Variants in ADCY7 observed in about 807,000 individuals in gnomAD.
The protein encoded by ADCY7 is adenylate cyclase 7.
ADCY7 carries 72 observed loss-of-function variants against 120.6 expected under a neutral mutation model. The ratio of observed to expected loss-of-function variants is 0.60; its 90% CI spans 0.49 to 0.73. The LOEUF (loss-of-function observed/expected upper bound fraction) is 0.73. ADCY7 is among the 30% of genes least tolerant of loss of function. The pLI, the probability that ADCY7 is intolerant of heterozygous loss-of-function variation, is 0.00. For synonymous variants in ADCY7, 661 were observed against 628.0 expected, an observed-to-expected ratio of 1.05 and a Z score of -0.78; for missense variants, 1,227 against 1,486.0, an observed-to-expected ratio of 0.83 and a Z score of 2.87.
chr16:50,256,600 G>A (rs1371774042), intron 1 of ADCY7, among the ~76,000 whole-genome samples: 1 of 152,154 alleles, frequency 6.6e-6, no homozygotes, highest in Non-Finnish European at 1.5e-5. Flanking sequence ...CTAGTCAGGA[G>A]GCTGAGGTGG....
Position 50,297,911 on chromosome 16 carries a change from G to A in ADCY7, c.949-993G>A, listed in dbSNP as rs555398123. Among the ~76,000 whole-genome samples the A allele has an allele frequency of 1.3e-5, 2 of 152,222 alleles. No homozygotes were observed. The highest frequency in any genetic ancestry group is 1.9e-4 in the East Asian group (1 of 5,162). On this transcript the variant is annotated intron_variant, in intron 7 of 25. Transcript: ENST00000673801. The surrounding 1 kb of genome is among the most constrained non-coding windows in gnomAD (Gnocchi z 4.4). ...GGAGGGGAGAGCAGAGGCAGATGGC[G>A]CTCCTTCTTCAGCTCCCCTAAAGCC...
chr16:50,305,357 C>T (rs2035989275), intron 12 of ADCY7, 146 bp from the exon 13 acceptor site: 9 of 759,440 alleles, frequency 1.2e-5, no homozygotes, highest in Non-Finnish European at 1.8e-5. Flanking sequence ...CCTCACTCGC[C>T]CTCTCTGGGC....
intron 25 of ADCY7, 74 bp from the exon 26 acceptor site, chr16:50,315,285 C>T: frequency 6.4e-7 from 1 of 1,571,572 alleles, no homozygotes; most frequent in South Asian, 1.2e-5. Context: ...CATGCCTGGG[C>T]AGTCTCTATC....
chr16:50,313,441 A>C (rs111621340), intron 22 of ADCY7: 5,957 of 181,856 alleles, frequency 0.033, 186 homozygotes, highest in Non-Finnish European at 0.045. Context: ...ACAACAAAAA[A>C]AAAACGACGT....
At chr16:50,278,323 G>T (rs2034032159) in intron 1 of ADCY7, among the ~76,000 whole-genome samples, 1 of 152,182 alleles carries the variant, frequency 6.6e-6, no homozygotes, top group Non-Finnish European at 1.5e-5. Context: ...TTACAGGCGT[G>T]AGCCACCATG....
chr16:50,304,292 G>A (rs2035918409), intron 10 of ADCY7, 68 bp from the exon 11 acceptor site: 14 of 1,336,510 alleles, frequency 1.0e-5, no homozygotes, highest in Non-Finnish European at 1.2e-5. Context: ...GCTGGATGGG[G>A]ATGGCGGCCC....
intron 2 of ADCY7, 133 bp from the exon 3 acceptor site, chr16:50,290,324 G>C (rs762568783): frequency 3.2e-6 from 3 of 926,866 alleles, no homozygotes; most frequent in Non-Finnish European, 4.9e-6. Context: ...TGGGAACCAG[G>C]TGTGGGAGGG....
At chr16:50,290,380 G>C in intron 2 of ADCY7, 77 bp from the exon 3 acceptor site, 1 of 1,532,158 alleles carries the variant, frequency 6.5e-7, no homozygotes, top group Admixed American at 1.8e-5. Flanking sequence ...TGAGGCAGCC[G>C]GCCCGGCAGG....
At chr16:50,248,017 C>T (rs766790935) in intron 1 of ADCY7, among the ~76,000 whole-genome samples, 1 of 152,170 alleles carries the variant, frequency 6.6e-6, no homozygotes, top group African/African-American at 2.4e-5. Context: ...ATAAGTTAGG[C>T]AGGACCCAAA....
At chr16:50,315,185 C>G in intron 25 of ADCY7, 47 bp downstream of exon 25, 1 of 1,607,170 alleles carries the variant, frequency 6.2e-7, no homozygotes. Flanking sequence ...AAAGATCTTC[C>G]CCAGAGGTGA....
chr16:50,310,393 G>T, intron 18 of ADCY7: 1 of 1,449,524 alleles, frequency 6.9e-7, no homozygotes, highest in Non-Finnish European at 9.4e-7. Flanking sequence ...AACTCAGGGA[G>T]GCAGCTTGGA....
At chr16:50,261,554 G>A (rs763485804), upstream of ADCY7, among the ~76,000 whole-genome samples, 57 of 152,142 alleles carry the variant, frequency 3.7e-4, no homozygotes, top group Admixed American at 3.5e-3. Context: ...GGTTTAGAGC[G>A]GGGAGAACGC....
chr16:50,305,756 C>T (rs376913749), intron 13 of ADCY7, 21 bp from the exon 14 acceptor site: 99 of 1,612,024 alleles, frequency 6.1e-5, no homozygotes, highest in Non-Finnish European at 7.6e-5. Context: ...CCCATCTCAC[C>T]GCAGCTGCCC....
At chr16:50,270,235 A>T (rs1406024946) in intron 1 of ADCY7, among the ~76,000 whole-genome samples, 2 of 152,206 alleles carry the variant, frequency 1.3e-5, no homozygotes, top group African/African-American at 4.8e-5. Context: ...AGATAAACAG[A>T]TAGATAGACA....
Position 50,291,991 on chromosome 16 carries a change from C to T in ADCY7, c.537+94C>T, listed in dbSNP as rs2035011440. 2.2e-6 allele frequency: 3 copies of T among 1,376,494 alleles called. No homozygotes were observed. The South Asian group carries it at 4.3e-5, about 20-fold the overall frequency. The allele number at this position is 1,376,494 out of a possible 1,614,324, so 85.3% of individuals were successfully genotyped here. On this transcript the variant is annotated intron_variant, in intron 4 of 25. Transcript: ENST00000673801. ...CCTCTGGGTGAATCAGACCCGAAGG[C>T]CCCGGAGCCGTGTTTGCAGACAGCC...
At chr16:50,274,506 C>CG (rs1217424756) in intron 1 of ADCY7, among the ~76,000 whole-genome samples, 1 of 152,028 alleles carries the variant, frequency 6.6e-6, no homozygotes, top group Non-Finnish European at 1.5e-5. Flanking sequence ...GCTCTTGGCG[C>CG]GGTTTCACGA....
intron 22 of ADCY7, chr16:50,313,739 A>G: frequency 5.4e-6 from 3 of 558,968 alleles, no homozygotes; most frequent in South Asian, 5.0e-5. Flanking sequence ...GGGAAGAGGG[A>G]GACAGTGTGG....
In ADCY7 at chr16:50,297,481, G is replaced by A. The variant is rs773168697; in HGVS notation, c.949-1423G>A. Among the ~76,000 whole-genome samples the A allele has an allele frequency of 6.6e-6, 1 of 152,206 alleles. No individual in the cohort carries two copies. The highest frequency in any genetic ancestry group is 1.5e-5 in the Non-Finnish European group (1 of 68,022). On this transcript the variant is annotated intron_variant, in intron 7 of 25. Transcript: ENST00000673801. This position sits in a 1 kb window ranked among gnomAD's most constrained non-coding sequence, Gnocchi z 4.4. ...GTATCCAGGTCTGCCAAGATTGCCT[G>A]CTTTCTAGGAAAGCCACTGTCCTCT...
In ADCY7 at chr16:50,293,461, C is replaced by T. The variant is rs1208189992; in HGVS notation, c.795C>T (p.Asn265=). ...EHGDRRCMPD[N]NFHSLYVKRH... The stretch of plus-strand genomic sequence containing the variant: ...GTGACCGTCGCTGCATGCCTGACAA[C>T]AACTTCCACAGCCTCTACGTCAAGA... Residue 265 remains asparagine (N), a synonymous_variant, in exon 6 of 26, where the codon AAC becomes AAT. Transcript: ENST00000673801. 6.2e-7 allele frequency: 1 copy of T among 1,613,922 alleles called. No individual in the cohort carries two copies. The highest frequency in any genetic ancestry group is 8.5e-7 in the Non-Finnish European group (1 of 1,180,040).
Sources: allele counts gnomAD v4.1 joint callset (sites outside exome capture counted in the v4.1 genomes callset), GRCh38; gene constraint gnomAD v4.1.1; non-coding constraint Gnocchi (gnomAD v3.1); transcripts MANE v1.5; gene names NCBI Gene and HGNC (gene_info 2026-07-23, HGNC 2026-07-21).